Variants in ANTXR1 observed in about 807,000 individuals in gnomAD.
The protein encoded by ANTXR1 is anthrax toxin receptor 1.
Under a neutral mutation model 78.1 loss-of-function variants are expected in ANTXR1, and 19 were observed. That is an observed-to-expected ratio of 0.24 (90% CI 0.17 to 0.36). The LOEUF is 0.36. ANTXR1 is among the 10% of genes least tolerant of loss of function. The probability of loss-of-function intolerance (pLI) is 1.00; values close to 1 mark genes in which losing one functional copy is unlikely to be tolerated. For missense variants in ANTXR1, 518 were observed against 718.6 expected (o/e 0.72, Z 3.19); for synonymous variants, 273 against 260.5 (o/e 1.05, Z -0.46).
intron 12 of ANTXR1, chr2:69,145,430 A>C: frequency 6.4e-7 from 1 of 1,562,644 alleles, no homozygotes; most frequent in Non-Finnish European, 8.7e-7. Context: ...ACGGGGAGAG[A>C]GGAGCCAAAC....
At chr2:69,016,944 T>C (rs1261391253) in intron 1 of ANTXR1, among the ~76,000 whole-genome samples, 3 of 152,200 alleles carry the variant, frequency 2.0e-5, no homozygotes, top group African/African-American at 7.2e-5. Context: ...ATCATAGGAT[T>C]CTATGAAGCA....
intron 12 of ANTXR1, among the ~76,000 whole-genome samples, chr2:69,138,042 C>T (rs1303965514): frequency 6.7e-6 from 1 of 148,768 alleles, no homozygotes; most frequent in Non-Finnish European, 1.5e-5. Context: ...CAAGATTGCA[C>T]CATTGCACTC....
intron 10 of ANTXR1, among the ~76,000 whole-genome samples, chr2:69,114,881 A>G (rs1249262575): frequency 6.6e-6 from 1 of 151,974 alleles, no homozygotes; most frequent in African/African-American, 2.4e-5. Context: ...TTTTCTACCC[A>G]TCACCTCTAA....
intron 13 of ANTXR1, among the ~76,000 whole-genome samples, chr2:69,152,790 C>T (rs1239871139): frequency 1.3e-5 from 2 of 152,174 alleles, no homozygotes; most frequent in Admixed American, 1.3e-4. Flanking sequence ...ATAGGACACA[C>T]CTACTGTGTG....
At chr2:69,028,147 CTAAAG>C (rs1245275079) in intron 1 of ANTXR1, among the ~76,000 whole-genome samples, 45 of 152,110 alleles carry the variant, frequency 3.0e-4, no homozygotes, top group African/African-American at 1.1e-3. Context: ...CTTTTCATTG[CTAAAG>C]TATAGTCTAG....
chr2:69,035,122 G>A (rs1307277320), intron 1 of ANTXR1, among the ~76,000 whole-genome samples: 1 of 152,070 alleles, frequency 6.6e-6, no homozygotes. Flanking sequence ...CTGAGTCATA[G>A]ACCCAGCAAA....
At chr2:69,111,577 A>T (rs543362267) in intron 10 of ANTXR1, among the ~76,000 whole-genome samples, 1 of 152,284 alleles carries the variant, frequency 6.6e-6, no homozygotes, top group South Asian at 2.1e-4. Flanking sequence ...TTGATGCAAA[A>T]TTTTATTTCT....
At chr2:69,058,115 A>G (rs1670119889) in intron 3 of ANTXR1, among the ~76,000 whole-genome samples, 1 of 152,210 alleles carries the variant, frequency 6.6e-6, no homozygotes, top group African/African-American at 2.4e-5. Flanking sequence ...CATCTCCATG[A>G]CATAAAAGGC....
At chr2:69,200,348 A>G (rs899432607) in intron 17 of ANTXR1, among the ~76,000 whole-genome samples, 1 of 152,208 alleles carries the variant, frequency 6.6e-6, no homozygotes, top group East Asian at 1.9e-4. Context: ...AATCCTCCCC[A>G]GCTGTTTCCA....
At chr2:69,230,718 T>C (rs1157858152) in intron 17 of ANTXR1, among the ~76,000 whole-genome samples, 2 of 152,156 alleles carry the variant, frequency 1.3e-5, no homozygotes, top group African/African-American at 4.8e-5. Flanking sequence ...CACAAGTGTG[T>C]AAATAGGCAA....
intron 10 of ANTXR1, among the ~76,000 whole-genome samples, chr2:69,119,076 A>G (rs1180039903): frequency 6.6e-6 from 1 of 151,962 alleles, no homozygotes; most frequent in Non-Finnish European, 1.5e-5. Context: ...CCAAGCAGAA[A>G]AGGAAAAGGA....
At chr2:69,152,122 C>T (rs778440383) in intron 12 of ANTXR1, 47 bp from the exon 13 acceptor site, 2 of 1,573,830 alleles carry the variant, frequency 1.3e-6, no homozygotes, top group Non-Finnish European at 1.7e-6. Flanking sequence ...GGGAAGATCA[C>T]ACATGGTCCC....
chr2:69,042,637 C>G (rs749374870), intron 2 of ANTXR1, among the ~76,000 whole-genome samples: 2 of 152,116 alleles, frequency 1.3e-5, no homozygotes, highest in Admixed American at 6.5e-5. Context: ...AGATGGGACC[C>G]TATTTCTCTA....
At chr2:69,194,440 A>C (rs888806777) in intron 17 of ANTXR1, among the ~76,000 whole-genome samples, 1 of 152,236 alleles carries the variant, frequency 6.6e-6, no homozygotes, top group African/African-American at 2.4e-5. Flanking sequence ...GCTCCAGGCA[A>C]ATCACCTGAC....
At chr2:69,082,806 A>G (rs1670936778) in intron 8 of ANTXR1, among the ~76,000 whole-genome samples, 1 of 152,198 alleles carries the variant, frequency 6.6e-6, no homozygotes. Context: ...ATCTCCATCT[A>G]GGAGAATTTC....
intron 14 of ANTXR1, among the ~76,000 whole-genome samples, chr2:69,172,046 C>A (rs546239364): frequency 4.5e-4 from 68 of 152,224 alleles, no homozygotes; most frequent in African/African-American, 1.6e-3. Context: ...CACGTGAACA[C>A]CTGCAGTTGA....
chr2:69,228,875 T>C (rs978027699), intron 17 of ANTXR1, among the ~76,000 whole-genome samples: 8 of 152,194 alleles, frequency 5.3e-5, no homozygotes, highest in Admixed American at 2.0e-4. Context: ...CAAAATACTA[T>C]GGACTGTGGG....
At chr2:69,023,273 G>T (rs1460045854) in intron 1 of ANTXR1, among the ~76,000 whole-genome samples, 4 of 146,792 alleles carry the variant, frequency 2.7e-5, no homozygotes, top group Admixed American at 1.3e-4. Context: ...GATGGTGATG[G>T]TTATGGTGGT....
intron 12 of ANTXR1, chr2:69,145,311 T>C (rs1673191168): frequency 4.4e-6 from 7 of 1,578,618 alleles, no homozygotes; most frequent in Non-Finnish European, 6.0e-6. Flanking sequence ...TATTTTTATG[T>C]TCTCTTTCTT....
Sources: allele counts gnomAD v4.1 joint callset (sites outside exome capture counted in the v4.1 genomes callset), GRCh38; gene constraint gnomAD v4.1.1; transcripts MANE v1.5; gene names NCBI Gene and HGNC (gene_info 2026-07-23, HGNC 2026-07-21).